The following IQSEC1 variants were observed in gnomAD, a reference collection of about 807,000 sequenced individuals.
IQSEC1 encodes the protein IQ motif and Sec7 domain ArfGEF 1, also known as IQ motif and SEC7 domain-containing protein 1.
A neutral mutation model predicts 91.0 loss-of-function variants in IQSEC1; 31 were observed. The observed-to-expected ratio is 0.34, with a 90% confidence interval of 0.26 to 0.46. The LOEUF is 0.46. Ranked by LOEUF, IQSEC1 falls within the 20% of genes least tolerant of loss-of-function variation. The probability of loss-of-function intolerance (pLI) is 1.00; values close to 1 mark genes in which losing one functional copy is unlikely to be tolerated. For synonymous variants in IQSEC1, 699 were observed against 662.6 expected, an observed-to-expected ratio of 1.05 and a Z score of -0.84; for missense variants, 1,388 against 1,575.6, an observed-to-expected ratio of 0.88 and a Z score of 2.02.
intron 1 of IQSEC1, among the ~76,000 whole-genome samples, chr3:12,943,684 G>C (rs1698962955): frequency 6.6e-6 from 1 of 152,056 alleles, no homozygotes; most frequent in South Asian, 2.1e-4. Context: ...CTCTGCTTCT[G>C]TCTCTGCTGC....
At chr3:13,090,925 ATT>A (rs1265656150) in intron 2 of IQSEC1, among the ~76,000 whole-genome samples, 1 of 152,194 alleles carries the variant, frequency 6.6e-6, no homozygotes, top group Non-Finnish European at 1.5e-5. Context: ...CCTGTGCGGA[ATT>A]TGAACCCCAG....
rs1491437022 is a variant in IQSEC1, at chr3:12,900,450, AGT to A, written c.*531_*532del. ...TTTCACACACAAGTACTACCTATACAGTATATATATATATATATTTATATATT... is the reference window on the plus strand; with the variant it reads ...TTTCACACACAAGTACTACCTATACAATATATATATATATATTTATATATT... On this transcript the variant is annotated 3_prime_UTR_variant, in exon 14 of 14. Coordinates refer to ENST00000613206, the MANE Select transcript of IQSEC1 (RefSeq NM_001134382.3). 2 of 745,912 alleles carry A rather than the reference AGT, an allele frequency of 2.7e-6. No homozygotes were observed. Among genetic ancestry groups the A allele is most frequent in the Admixed American group, 6.4e-5 (1 of 15,506 alleles). 46.2% of individuals were successfully genotyped at this position (745,912 alleles called of 1,614,324 possible). A position where few individuals can be genotyped will look rare whatever the true frequency, so the allele number is the denominator to read the frequency against.
At chr3:12,965,569 A>C (rs188493094) in intron 1 of IQSEC1, among the ~76,000 whole-genome samples, 17 of 152,280 alleles carry the variant, frequency 1.1e-4, no homozygotes, top group African/African-American at 3.1e-4. Flanking sequence ...AGGCTTCTCA[A>C]CCTCCAAGAC....
intron 2 of IQSEC1, among the ~76,000 whole-genome samples, chr3:13,139,743 G>T (rs1415562507): frequency 6.6e-6 from 1 of 152,200 alleles, no homozygotes; most frequent in African/African-American, 2.4e-5. Context: ...AGTCTCAAAT[G>T]AGCAGAGTGG....
intron 1 of IQSEC1, among the ~76,000 whole-genome samples, chr3:13,255,106 G>A (rs1695263438): frequency 6.6e-6 from 1 of 152,180 alleles, no homozygotes; most frequent in African/African-American, 2.4e-5. Context: ...TAATTTTCTG[G>A]TACCCAAGAA....
chr3:13,255,262 C>T (rs560410148), intron 1 of IQSEC1, among the ~76,000 whole-genome samples: 5 of 152,274 alleles, frequency 3.3e-5, no homozygotes, highest in African/African-American at 4.8e-5. Flanking sequence ...CACTGGGCTT[C>T]GGTGCTGCAG....
At chr3:13,138,948 T>C (rs1706755714) in intron 2 of IQSEC1, among the ~76,000 whole-genome samples, 1 of 152,084 alleles carries the variant, frequency 6.6e-6, no homozygotes, top group Non-Finnish European at 1.5e-5. Context: ...TGATGGAGAC[T>C]GGCCTGCTGG....
At chr3:12,987,618 A>G (rs1701804823) in intron 1 of IQSEC1, among the ~76,000 whole-genome samples, 1 of 152,268 alleles carries the variant, frequency 6.6e-6, no homozygotes, top group African/African-American at 2.4e-5. Context: ...TCTGAAATTG[A>G]GAAGTTTATC....
intron 9 of IQSEC1, among the ~76,000 whole-genome samples, chr3:12,912,174 G>A (rs542756632): frequency 2.9e-4 from 44 of 152,354 alleles, no homozygotes; most frequent in African/African-American, 9.9e-4. Context: ...CTGGGCTAGC[G>A]ACGTGATCCC....
Position 12,915,650 on chromosome 3 carries a change from C to A in IQSEC1, c.2104G>T (p.Glu702Ter). Residue 702 changes from glutamate (E) to a stop codon, truncating the protein, a stop_gained, in exon 7 of 14, where the codon GAG (glutamate) becomes TAG (stop). Transcript: ENST00000613206. LOFTEE classifies it high-confidence loss of function. ...TTCTGCACCTGGGACACATGGTCCT[C>A]ATTGGTCTTTAGCTCTCGCTTACGG... ...RIRKRELKTNEDHVSQVQKVE... is the reference protein window; with the variant it reads ...RIRKRELKTN 6.2e-7 allele frequency: 1 copy of A among 1,614,180 alleles called. No individual in the cohort carries two copies. The highest frequency in any genetic ancestry group is 8.5e-7 in the Non-Finnish European group (1 of 1,180,012).
chr3:13,035,127 T>C (rs58389496), intron 1 of IQSEC1, among the ~76,000 whole-genome samples: 7,873 of 152,264 alleles, frequency 0.052, 679 homozygotes, highest in African/African-American at 0.18. Context: ...CACAGGGCCA[T>C]GGGCTCCCAG....
Position 12,936,718 on chromosome 3 carries a change from TGAG to T in IQSEC1, c.319-24_319-22del, listed in dbSNP as rs765957739. On this transcript the variant is annotated intron_variant, in intron 2 of 13. Coordinates refer to ENST00000613206, the MANE Select transcript of IQSEC1 (RefSeq NM_001134382.3). Reference sequence around the variant, plus strand: ...TCCACCTGCGGGTGGGAGAGGAGAATGAGAACAGCACTGCATGTAGGCACAGTG... The same window carrying T: ...TCCACCTGCGGGTGGGAGAGGAGAATAACAGCACTGCATGTAGGCACAGTG... 4.5e-6 allele frequency: 7 copies of T among 1,549,468 alleles called. No individual in the cohort carries two copies. The African/African-American group carries it at 9.6e-5, about 21-fold the overall frequency.
At chr3:13,239,034 A>G (rs1476313346) in intron 1 of IQSEC1, among the ~76,000 whole-genome samples, 2 of 152,178 alleles carry the variant, frequency 1.3e-5, no homozygotes, top group Admixed American at 1.3e-4. Flanking sequence ...GCTTGAGGAC[A>G]TGGGGTTCCC....
intron 1 of IQSEC1, among the ~76,000 whole-genome samples, chr3:13,267,865 C>T (rs1695523863): frequency 6.6e-6 from 1 of 152,064 alleles, no homozygotes; most frequent in Admixed American, 6.5e-5. Flanking sequence ...GATCCACCCG[C>T]CTCGGCCTCC....
At chr3:13,144,865 T>G (rs1706862155) in intron 2 of IQSEC1, among the ~76,000 whole-genome samples, 1 of 152,178 alleles carries the variant, frequency 6.6e-6, no homozygotes, top group South Asian at 2.1e-4. Context: ...AAGCAGCGCT[T>G]GGGCCGAAGC....
At chr3:13,066,795 A>T (rs1223537486) in intron 1 of IQSEC1, among the ~76,000 whole-genome samples, 1 of 152,238 alleles carries the variant, frequency 6.6e-6, no homozygotes, top group African/African-American at 2.4e-5. Flanking sequence ...CGGTAGCTCC[A>T]TGCAGGCAGG....
At chr3:13,046,092 G>A (rs1559739326) in intron 1 of IQSEC1, among the ~76,000 whole-genome samples, 1 of 152,190 alleles carries the variant, frequency 6.6e-6, no homozygotes, top group Non-Finnish European at 1.5e-5. Context: ...ACGGTGTTGG[G>A]CAGTATTCAC....
intron 1 of IQSEC1, among the ~76,000 whole-genome samples, chr3:13,067,647 A>G (rs1479375443): frequency 2.6e-5 from 4 of 152,134 alleles, no homozygotes; most frequent in Admixed American, 2.6e-4. Context: ...TCCTCATCCC[A>G]TCTCTGTGCA....
chr3:12,968,370 C>T (rs553728964), intron 1 of IQSEC1, among the ~76,000 whole-genome samples: 132 of 152,090 alleles, frequency 8.7e-4, no homozygotes, highest in African/African-American at 3.0e-3. Context: ...CCTACCCTTT[C>T]TCCACCCAGA....
Sources: allele counts gnomAD v4.1 joint callset (sites outside exome capture counted in the v4.1 genomes callset), GRCh38; gene constraint gnomAD v4.1.1; transcripts MANE v1.5; gene names NCBI Gene and HGNC (gene_info 2026-07-23, HGNC 2026-07-21).